Variants in PHF14 observed in about 807,000 individuals in gnomAD.
PHF14 encodes PHD finger protein 14.
PHF14 carries 55 observed loss-of-function variants against 117.9 expected under a neutral mutation model. The ratio of observed to expected loss-of-function variants is 0.47; its 90% CI spans 0.38 to 0.58. PHF14 has a LOEUF of 0.58. Among genes scored for constraint, PHF14 ranks in the 20% least tolerant of loss-of-function variants. The probability of loss-of-function intolerance (pLI) is 0.00; values close to 1 mark genes in which losing one functional copy is unlikely to be tolerated. For synonymous variants in PHF14, 409 were observed against 368.6 expected (o/e 1.11, Z -1.26); for missense variants, 978 against 1,122.2 (o/e 0.87, Z 1.84).
At chr7:11,068,427 C>G (rs113828326) in intron 16 of PHF14, among the ~76,000 whole-genome samples, 6 of 148,572 alleles carry the variant, frequency 4.0e-5, no homozygotes, top group African/African-American at 1.5e-4. Context: ...GTAAAATAAA[C>G]CAGTTACAGA....
At chr7:10,997,607 G>T (rs540622999) in intron 4 of PHF14, among the ~76,000 whole-genome samples, 142 of 152,326 alleles carry the variant, frequency 9.3e-4, no homozygotes, top group African/African-American at 3.3e-3. Flanking sequence ...CAAAGCCATA[G>T]CCTGGGCTGT....
chr7:11,098,464 C>G (rs1173841738), intron 16 of PHF14, among the ~76,000 whole-genome samples: 2 of 151,984 alleles, frequency 1.3e-5, no homozygotes, highest in Admixed American at 1.3e-4. Context: ...TCTGCCTTGC[C>G]TCTCCTCATT....
intron 16 of PHF14, chr7:11,103,943 T>C (rs1445708279): frequency 7.1e-6 from 7 of 982,182 alleles, no homozygotes; most frequent in Non-Finnish European, 7.3e-6. Context: ...AAGATAGGAC[T>C]AGTTGTCACT....
chr7:11,124,508 G>A (rs996425525), intron 17 of PHF14, among the ~76,000 whole-genome samples: 1 of 151,848 alleles, frequency 6.6e-6, no homozygotes, highest in African/African-American at 2.4e-5. Flanking sequence ...ACATTTTGTT[G>A]AGCACCACTA....
At chr7:11,127,321 C>T (rs1787955424) in intron 17 of PHF14, among the ~76,000 whole-genome samples, 1 of 150,462 alleles carries the variant, frequency 6.6e-6, no homozygotes, top group South Asian at 2.1e-4. Flanking sequence ...CTGTGGGTTA[C>T]TTGTGACTTC....
intron 2 of PHF14, among the ~76,000 whole-genome samples, chr7:10,975,817 A>G (rs7807585): frequency 6.6e-6 from 1 of 151,978 alleles, no homozygotes; most frequent in African/African-American, 2.4e-5. Context: ...TTTTAAATAT[A>G]CTTCCAGAGA....
chr7:11,025,810 GAAAA>G (rs1196074238), intron 6 of PHF14, among the ~76,000 whole-genome samples: 2 of 150,192 alleles, frequency 1.3e-5, no homozygotes, highest in African/African-American at 4.9e-5. Context: ...AAAAGAAAAA[GAAAA>G]AGAAAGAAAT....
intron 4 of PHF14, among the ~76,000 whole-genome samples, chr7:10,992,138 C>G (rs1583337965): frequency 2.6e-5 from 4 of 151,776 alleles, no homozygotes. Context: ...ACTGCAACCT[C>G]TGCCTCCCAG....
chr7:11,105,536 A>T (rs761333962), intron 16 of PHF14: 17 of 979,858 alleles, frequency 1.7e-5, no homozygotes, highest in Non-Finnish European at 2.1e-5. Context: ...ATTTTTAAAA[A>T]AATTTAAAAA....
chr7:11,122,791 A>G (rs1289859307), intron 17 of PHF14, among the ~76,000 whole-genome samples: 1 of 152,122 alleles, frequency 6.6e-6, no homozygotes, highest in Admixed American at 6.6e-5. Context: ...AGCTTAGTCC[A>G]GTCCTGCTGT....
At position 11,062,104 on chromosome 7, in the gene PHF14, C is replaced by A; in HGVS notation, c.2654+19C>A. 6.3e-7 allele frequency: 1 copy of A among 1,589,468 alleles called. No homozygotes were observed. The highest frequency in any genetic ancestry group is 8.6e-7 in the Non-Finnish European group (1 of 1,168,578). On this transcript the variant is annotated intron_variant, in intron 16 of 17. Transcript: ENST00000634607. ...TTGTCAGGTAAGTTGGATGCTAAAA[C>A]CTTGTCTTTAGGGGATGAAAGTTCT...
At chr7:11,045,868 G>A (rs571131620) in intron 13 of PHF14, among the ~76,000 whole-genome samples, 1 of 152,290 alleles carries the variant, frequency 6.6e-6, no homozygotes, top group East Asian at 1.9e-4. Context: ...ACAACTTACT[G>A]TGGAAAAATC....
chr7:11,009,626 C>T (rs1426501520), intron 4 of PHF14, among the ~76,000 whole-genome samples: 1 of 152,158 alleles, frequency 6.6e-6, no homozygotes, highest in Non-Finnish European at 1.5e-5. Flanking sequence ...TGAATTGGAG[C>T]AGATATACAG....
chr7:11,036,334 A>G (rs1583396546), intron 8 of PHF14, 84 bp from the exon 9 acceptor site: 2 of 1,145,354 alleles, frequency 1.7e-6, no homozygotes, highest in Non-Finnish European at 2.5e-6. Flanking sequence ...TTCTGTGAAC[A>G]TGGGAATAAA....
chr7:11,107,479 G>A (rs1787309912), intron 16 of PHF14: 1 of 836,784 alleles, frequency 1.2e-6, no homozygotes, highest in Non-Finnish European at 1.4e-6. Flanking sequence ...ATCTAATTAG[G>A]TTTGCTTTTA....
intron 5 of PHF14, among the ~76,000 whole-genome samples, chr7:11,014,283 A>C (rs146051334): frequency 6.6e-6 from 1 of 152,222 alleles, no homozygotes; most frequent in Non-Finnish European, 1.5e-5. Flanking sequence ...ACTTTATATC[A>C]GGAGATAGAA....
chr7:11,121,431 G>A (rs1237965614), intron 17 of PHF14, among the ~76,000 whole-genome samples: 1 of 152,090 alleles, frequency 6.6e-6, no homozygotes, highest in African/African-American at 2.4e-5. Context: ...TTTTAGAAAG[G>A]TAGACTCTCA....
intron 2 of PHF14, among the ~76,000 whole-genome samples, chr7:10,981,729 G>C (rs1782049972): frequency 6.6e-6 from 1 of 152,176 alleles, no homozygotes; most frequent in Admixed American, 6.5e-5. Context: ...TAAACAGGAA[G>C]ATTGATAATT....
chr7:11,075,641 A>G (rs560883747), intron 16 of PHF14, among the ~76,000 whole-genome samples: 1 of 140,148 alleles, frequency 7.1e-6, no homozygotes, highest in Non-Finnish European at 1.5e-5. Context: ...AACACCTCCC[A>G]CCAGGCGCAC....
Sources: gnomAD v4.1 joint callset for allele counts (sites outside exome capture counted in the v4.1 genomes callset) on GRCh38, gnomAD v4.1.1 for gene constraint, MANE v1.5 for transcripts, NCBI Gene and HGNC (gene_info 2026-07-23, HGNC 2026-07-21) for gene names.